Variants in CFAP299 observed in about 807,000 individuals in gnomAD.
CFAP299 encodes cilia- and flagella-associated protein 299.
In CFAP299, 21 loss-of-function variants were observed where a neutral mutation model predicts 27.0. That is an observed-to-expected ratio of 0.78 (90% CI 0.55 to 1.12). The LOEUF (loss-of-function observed/expected upper bound fraction) is 1.12, where lower values mean the gene tolerates loss of function less well. CFAP299 is among the 50% of genes most tolerant of loss of function. CFAP299 has a pLI of 0.00. For missense variants in CFAP299, 310 were observed against 276.6 expected (o/e 1.12, Z -0.86); for synonymous variants, 104 against 98.1 (o/e 1.06, Z -0.36).
Position 80,497,936 on chromosome 4 carries a change from G to A in CFAP299, c.243-85157G>A, listed in dbSNP as rs145786817. On this transcript the variant is annotated intron_variant, in intron 2 of 5. Transcript: ENST00000358105. ...ACATAGACCAATGGAGCAGGTTAGA[G>A]ATCCCAGATACAAAGCCATACACCT... Among the ~76,000 whole-genome samples the A allele has an allele frequency of 4.6e-5, 7 of 152,252 alleles. No individual in the cohort carries two copies. In the East Asian group the frequency reaches 1.2e-3, roughly 25 times the overall value.
chr4:80,399,383 C>G (rs1490087917), intron 2 of CFAP299, among the ~76,000 whole-genome samples: 1 of 152,076 alleles, frequency 6.6e-6, no homozygotes, highest in African/African-American at 2.4e-5. Context: ...TATACAGACA[C>G]ATGCACACAT....
chr4:80,603,094 A>G (rs1010750617), intron 3 of CFAP299, among the ~76,000 whole-genome samples: 4 of 152,296 alleles, frequency 2.6e-5, no homozygotes, highest in Admixed American at 6.5e-5. Flanking sequence ...CCAAACCCCA[A>G]ATGTCAAAAG....
chr4:80,453,882 A>ATAATAG (rs1469693904), intron 2 of CFAP299, among the ~76,000 whole-genome samples: 3 of 147,294 alleles, frequency 2.0e-5, no homozygotes, highest in African/African-American at 7.5e-5. Context: ...AATAATAATA[A>ATAATAG]TAATAATCTT....
intron 2 of CFAP299, among the ~76,000 whole-genome samples, chr4:80,511,275 A>AT (rs1185578161): frequency 1.3e-5 from 2 of 152,150 alleles, no homozygotes; most frequent in Non-Finnish European, 2.9e-5. Context: ...AAAGATGAGA[A>AT]TGGGGACACA....
At chr4:80,538,427 G>A (rs1179454284) in intron 2 of CFAP299, among the ~76,000 whole-genome samples, 2 of 151,348 alleles carry the variant, frequency 1.3e-5, no homozygotes, top group Non-Finnish European at 2.9e-5. Context: ...GTGTATGTAA[G>A]TCTAAGTATT....
chr4:80,640,694 T>C (rs1321815537), intron 3 of CFAP299, among the ~76,000 whole-genome samples: 1 of 152,228 alleles, frequency 6.6e-6, no homozygotes, highest in Non-Finnish European at 1.5e-5. Context: ...TTGTATTTGC[T>C]TACATGTAGT....
At chr4:80,572,369 C>G (rs573682817) in intron 2 of CFAP299, among the ~76,000 whole-genome samples, 1 of 151,862 alleles carries the variant, frequency 6.6e-6, no homozygotes. Flanking sequence ...TCTCTATCAT[C>G]GTGAATTCAA....
At chr4:80,959,159 T>A (rs1738213123) in intron 5 of CFAP299, among the ~76,000 whole-genome samples, 1 of 152,132 alleles carries the variant, frequency 6.6e-6, no homozygotes, top group African/African-American at 2.4e-5. Flanking sequence ...TGATTAAATC[T>A]ATTTTCAAAG....
At chr4:80,503,729 A>T (rs776839933) in intron 2 of CFAP299, among the ~76,000 whole-genome samples, 1 of 152,168 alleles carries the variant, frequency 6.6e-6, no homozygotes, top group Non-Finnish European at 1.5e-5. Context: ...CACCATTTTC[A>T]GGCTATCAGC....
At chr4:80,353,369 G>C (rs1341740145) in intron 1 of CFAP299, among the ~76,000 whole-genome samples, 1 of 152,154 alleles carries the variant, frequency 6.6e-6, no homozygotes, top group African/African-American at 2.4e-5. Context: ...ACCCCTGTGG[G>C]AGTGCAAATT....
chr4:80,573,750 T>TA (rs1393910779), intron 2 of CFAP299, among the ~76,000 whole-genome samples: 3 of 152,162 alleles, frequency 2.0e-5, no homozygotes, highest in African/African-American at 4.8e-5. Context: ...TGCACCTTTA[T>TA]AAAAAATGAA....
At chr4:80,646,134 C>G (rs1436027747) in intron 3 of CFAP299, among the ~76,000 whole-genome samples, 1 of 152,174 alleles carries the variant, frequency 6.6e-6, no homozygotes, top group Non-Finnish European at 1.5e-5. Context: ...AATTTAACTA[C>G]CAAGCCACAA....
chr4:80,845,061 T>C (rs767220426), intron 3 of CFAP299, among the ~76,000 whole-genome samples: 11 of 152,202 alleles, frequency 7.2e-5, no homozygotes, highest in Non-Finnish European at 1.3e-4. Flanking sequence ...GATCAGATAG[T>C]TGTAGATATG....
At chr4:80,633,630 GA>G (rs1248333792) in intron 3 of CFAP299, among the ~76,000 whole-genome samples, 4 of 152,054 alleles carry the variant, frequency 2.6e-5, no homozygotes, top group African/African-American at 9.7e-5. Flanking sequence ...TAGGGGTTTA[GA>G]TATGGCAAAA....
At chr4:80,912,746 A>T (rs1016230374) in intron 4 of CFAP299, among the ~76,000 whole-genome samples, 3 of 152,158 alleles carry the variant, frequency 2.0e-5, no homozygotes, top group African/African-American at 7.2e-5. Flanking sequence ...GCACTAACTC[A>T]CATGATCCCA....
chr4:80,617,062 A>C, intron 3 of CFAP299, among the ~76,000 whole-genome samples: 1 of 152,150 alleles, frequency 6.6e-6, no homozygotes, highest in Non-Finnish European at 1.5e-5. Flanking sequence ...TAGGATTTTA[A>C]AGATATATGA....
intron 1 of CFAP299, among the ~76,000 whole-genome samples, chr4:80,361,525 G>A (rs1357067562): frequency 6.6e-6 from 1 of 152,136 alleles, no homozygotes; most frequent in Non-Finnish European, 1.5e-5. Context: ...TATTTGCTCA[G>A]TTTTGTGGTT....
chr4:80,798,895 G>A (rs947937006), intron 3 of CFAP299, among the ~76,000 whole-genome samples: 8 of 151,528 alleles, frequency 5.3e-5, no homozygotes, highest in Non-Finnish European at 8.8e-5. Context: ...TTAACAGCAA[G>A]GATTATCAGT....
intron 3 of CFAP299, among the ~76,000 whole-genome samples, chr4:80,799,979 A>T (rs1211922429): frequency 1.7e-5 from 1 of 58,396 alleles, no homozygotes; most frequent in Non-Finnish European, 2.9e-5. Flanking sequence ...TATATAATAT[A>T]ATATATGTAA....
Sources: gnomAD v4.1 joint callset for allele counts (sites outside exome capture counted in the v4.1 genomes callset) on GRCh38, gnomAD v4.1.1 for gene constraint, MANE v1.5 for transcripts, NCBI Gene and HGNC (gene_info 2026-07-23, HGNC 2026-07-21) for gene names.